TNN: variants seen among roughly 807,000 people sequenced by gnomAD.
The protein encoded by TNN is tenascin-N.
TNN carries 122 observed loss-of-function variants against 134.4 expected under a neutral mutation model. The observed-to-expected ratio is 0.91, with a 90% CI of 0.78 to 1.06. The LOEUF (loss-of-function observed/expected upper bound fraction) is 1.06, where lower values mean the gene tolerates loss of function less well. Ranked by LOEUF, TNN falls within the 50% of genes least tolerant of loss-of-function variation. TNN has a pLI of 0.00. For synonymous variants in TNN, 710 were observed against 670.3 expected (o/e 1.06, Z -0.91); for missense variants, 1,739 against 1,699.4 (o/e 1.02, Z -0.41).
At position 175,101,296 on chromosome 1, in the gene TNN, A is replaced by C. The variant is rs572924291; in HGVS notation, c.2119+2701A>C. ...CTTCGCGGTGAGTGTTACAGCTCTT[A>C]AGGCAGCGCGTCTGGAGTTGTTGGT... is the stretch of plus-strand genomic sequence containing the variant. On this transcript the variant is annotated intron_variant, in intron 9 of 18. Transcript: ENST00000239462. Among the ~76,000 whole-genome samples the C allele has an allele frequency of 8.6e-4, 130 of 151,664 alleles. 1 individual carries two copies. Among genetic ancestry groups the C allele is most frequent in the African/African-American group, 3.1e-3 (126 of 41,292 alleles).
chr1:175,100,717 A>G (rs1274856711), intron 9 of TNN, among the ~76,000 whole-genome samples: 2 of 151,930 alleles, frequency 1.3e-5, no homozygotes, highest in Non-Finnish European at 2.9e-5. Flanking sequence ...TTTTTGGTGA[A>G]TGTATTTTTA....
chr1:175,127,967 C>T lies in TNN; in HGVS notation c.3046-65C>T, dbSNP rs1574172616. On this transcript the variant is annotated intron_variant, in intron 13 of 18. Transcript: ENST00000239462. ...CATTAGCACCAGGGAACGCTGTTGA[C>T]ACCTAGGGTGCTAGTGGGTGATAAA... is the stretch of plus-strand genomic sequence containing the variant. 1.9e-6 allele frequency: 3 copies of T among 1,588,082 alleles called. No homozygotes were observed. The East Asian group carries it at 6.7e-5, about 36-fold the overall frequency.
At chr1:175,085,694 G>A (rs1674308627) in intron 6 of TNN, among the ~76,000 whole-genome samples, 200 bp downstream of exon 6, 1 of 152,062 alleles carries the variant, frequency 6.6e-6, no homozygotes, top group Admixed American at 6.5e-5. Flanking sequence ...GACCAACATG[G>A]AGAAACCCTG....
chr1:175,092,028 T>TGGGAGGCAC (rs1674462214), intron 6 of TNN, among the ~76,000 whole-genome samples: 1 of 152,046 alleles, frequency 6.6e-6, no homozygotes, highest in Admixed American at 6.6e-5. Context: ...GGACCTGGGG[T>TGGGAGGCAC]TGTACAGATG....
chr1:175,131,703 A>C (rs1243798253), intron 15 of TNN, among the ~76,000 whole-genome samples: 1 of 152,268 alleles, frequency 6.6e-6, no homozygotes, highest in African/African-American at 2.4e-5. Flanking sequence ...CTACTTTATG[A>C]TTTACTATGA....
intron 9 of TNN, 88 bp downstream of exon 9, chr1:175,098,683 G>C: frequency 3.2e-6 from 5 of 1,567,818 alleles, no homozygotes; most frequent in Non-Finnish European, 4.3e-6. Context: ...CATAAAGGGG[G>C]ACTTTATGGA....
At chr1:175,070,335 AG>A (rs753872605) in intron 1 of TNN, among the ~76,000 whole-genome samples, 61 of 152,356 alleles carry the variant, frequency 4.0e-4, no homozygotes, top group Middle Eastern at 3.4e-3. Context: ...AAACAAAATG[AG>A]CCTGTGGTCA....
chr1:175,125,963 T>C (rs1293481813), intron 12 of TNN, among the ~76,000 whole-genome samples: 4 of 140,326 alleles, frequency 2.9e-5, no homozygotes, highest in Non-Finnish European at 4.6e-5. Context: ...CTTTCTTTCC[T>C]TCTCTCTCTC....
In TNN at chr1:175,123,460, C is replaced by G. The variant is rs143453946; in HGVS notation, c.2711C>G (p.Ser904Cys). Residue 904 changes from serine (S) to cysteine (C), a missense_variant, in exon 12 of 19, where the codon TCC becomes TGC. Physicochemically the swap from Ser to Cys is moderately radical, Grantham distance 112. Transcript: ENST00000239462. ...GTGACGGAGAATATGGCCACTGTCT[C>G]CTGGGACCCGGTTCAGGCCACCATT... ...DWVTENMATV[S>C]WDPVQATIDK... 12 of 1,614,226 alleles carry G rather than the reference C, an allele frequency of 7.4e-6. No individual in the cohort carries two copies. In the East Asian group the frequency reaches 2.7e-4, roughly 36 times the overall value.
At chr1:175,070,538 G>A (rs1338067468) in intron 1 of TNN, among the ~76,000 whole-genome samples, 4 of 152,142 alleles carry the variant, frequency 2.6e-5, no homozygotes, top group Admixed American at 2.0e-4. Context: ...AGAATGGGGG[G>A]ACAGAGTGAT....
intron 9 of TNN, among the ~76,000 whole-genome samples, chr1:175,106,674 C>A (rs779871135): frequency 2.1e-5 from 3 of 146,190 alleles, no homozygotes; most frequent in African/African-American, 7.4e-5. Flanking sequence ...GATAGATAGG[C>A]GAGTGTCGCT....
At chr1:175,128,275 A>G (rs1045342744) in intron 14 of TNN, 111 bp downstream of exon 14, 2 of 1,069,082 alleles carry the variant, frequency 1.9e-6, no homozygotes, top group Admixed American at 2.7e-5. Context: ...TGATTTCTCT[A>G]GGCATGGGGA....
At chr1:175,138,004 A>G (rs1175013809) in intron 17 of TNN, among the ~76,000 whole-genome samples, 1 of 152,206 alleles carries the variant, frequency 6.6e-6, no homozygotes, top group Non-Finnish European at 1.5e-5. Context: ...ATCTGCAAAA[A>G]GGGGCAAACT....
chr1:175,084,471 C>G (rs1293138581), intron 5 of TNN, among the ~76,000 whole-genome samples: 1 of 152,192 alleles, frequency 6.6e-6, no homozygotes, highest in East Asian at 1.9e-4. Context: ...GCTAAGGAAA[C>G]AAGGCTGCAG....
At position 175,146,131 on chromosome 1, in the gene TNN, A is replaced by T. The variant is rs75869828; in HGVS notation, c.3760-800A>T. Reference sequence around the variant, plus strand: ...GGAAGAAGAAATTTGCCCCCAGGGAAGCTGGGGAGGGTGGGCCCATGAATC... The same window carrying T: ...GGAAGAAGAAATTTGCCCCCAGGGATGCTGGGGAGGGTGGGCCCATGAATC... On this transcript the variant is annotated intron_variant, in intron 18 of 18. Coordinates refer to ENST00000239462, the MANE Select transcript of TNN (RefSeq NM_022093.2). Among the ~76,000 whole-genome samples the T allele has an allele frequency of 7.2e-4, 109 of 152,272 alleles. 1 individual carries two copies. In the East Asian group the frequency reaches 0.019, roughly 26 times the overall value.
intron 9 of TNN, among the ~76,000 whole-genome samples, chr1:175,112,098 C>G (rs1431107552): frequency 6.6e-6 from 1 of 151,966 alleles, no homozygotes; most frequent in African/African-American, 2.4e-5. Context: ...TTCAGTTTTT[C>G]CCCAATCAGT....
At chr1:175,096,228 A>T (rs1300455812) in intron 7 of TNN, among the ~76,000 whole-genome samples, 1 of 152,252 alleles carries the variant, frequency 6.6e-6, no homozygotes, top group Non-Finnish European at 1.5e-5. Flanking sequence ...AAAGCCTGGA[A>T]GGACGGGTGG....
At chr1:175,080,915 G>C (rs907109633) in intron 4 of TNN, among the ~76,000 whole-genome samples, 7 of 152,214 alleles carry the variant, frequency 4.6e-5, no homozygotes, top group Non-Finnish European at 8.8e-5. Context: ...GACACACTAA[G>C]ACCTGCATCA....
In TNN at chr1:175,147,270, G is replaced by A. The variant is rs914240469; in HGVS notation, c.*199G>A. The A allele has an allele frequency of 8.6e-6, 4 of 462,450 alleles. No individual in the cohort carries two copies. Among genetic ancestry groups the A allele is most frequent in the Non-Finnish European group, 1.5e-5 (4 of 270,314 alleles). 28.6% of individuals were successfully genotyped at this position (462,450 alleles called of 1,614,324 possible). A position where few individuals can be genotyped will look rare whatever the true frequency, so the allele number is the denominator to read the frequency against. On this transcript the variant is annotated 3_prime_UTR_variant, in exon 19 of 19. Transcript: ENST00000239462. ...TATGAGGGTCTTGAAAATCAAAATA[G>A]TAGTTGCACAGTATGTGTAGGAAAG... is the stretch of plus-strand genomic sequence containing the variant.
Sources: allele counts gnomAD v4.1 joint callset (sites outside exome capture counted in the v4.1 genomes callset), GRCh38; gene constraint gnomAD v4.1.1; transcripts MANE v1.5; gene names NCBI Gene and HGNC (gene_info 2026-07-23, HGNC 2026-07-21).